Variants in SH3KBP1 observed in about 807,000 individuals in gnomAD.
SH3KBP1 encodes the protein SH3 domain-containing kinase-binding protein 1.
Under a neutral mutation model 50.1 loss-of-function variants are expected in SH3KBP1, and 8 were observed. The ratio of observed to expected loss-of-function variants is 0.16; its 90% CI spans 0.09 to 0.29. The LOEUF (loss-of-function observed/expected upper bound fraction) is 0.29, where lower values mean the gene tolerates loss of function less well. Among genes scored for constraint, SH3KBP1 ranks in the 10% least tolerant of loss-of-function variants. SH3KBP1 has a pLI of 1.00. For synonymous variants in SH3KBP1, 227 were observed against 218.6 expected (o/e 1.04, Z -0.34); for missense variants, 377 against 535.2 (o/e 0.70, Z 2.92).
At position 19,887,317 on chromosome X, in the gene SH3KBP1, C is replaced by T. The variant is rs1359249135; in HGVS notation, c.-7G>A. 1 of 978,773 alleles carries T rather than the reference C, an allele frequency of 1.0e-6. No individual in the cohort carries two copies. Among genetic ancestry groups the T allele is most frequent in the African/African-American group, 2.0e-5 (1 of 49,596 alleles). 80.7% of individuals were successfully genotyped at this position (978,773 alleles called of 1,213,427 possible). On this transcript the variant is annotated 5_prime_UTR_variant, in exon 1 of 18. Coordinates refer to ENST00000397821, the MANE Select transcript of SH3KBP1 (RefSeq NM_031892.3). ...GCGGCCCCCACTCACCCATTGGCGT[C>T]GAGCCGGGCCGGGCCGCCGAGGCAG... is the stretch of plus-strand genomic sequence containing the variant.
At chrX:19,872,833 T>TCTCTCACA (rs1211110008) in intron 1 of SH3KBP1, among the ~76,000 whole-genome samples, 63 of 96,508 alleles carry the variant, frequency 6.5e-4, no homozygotes, top group African/African-American at 2.3e-3. Flanking sequence ...TCTCTCTCTC[T>TCTCTCACA]CACACACACA....
chrX:19,645,663 A>G (rs980022122), intron 6 of SH3KBP1, among the ~76,000 whole-genome samples, 188 bp from the exon 7 acceptor site: 1 of 112,221 alleles, frequency 8.9e-6, no homozygotes, highest in Non-Finnish European at 1.9e-5. Flanking sequence ...CAAACAAGGG[A>G]GAAAAATAGG....
At chrX:19,845,433 A>G (rs1237488317) in intron 1 of SH3KBP1, among the ~76,000 whole-genome samples, 1 of 105,398 alleles carries the variant, frequency 9.5e-6, no homozygotes, top group Non-Finnish European at 2.0e-5. Flanking sequence ...AGCCGAGATC[A>G]TGCCACTGCA....
chrX:19,855,566 C>A (rs776440524), intron 1 of SH3KBP1, among the ~76,000 whole-genome samples: 3 of 112,022 alleles, frequency 2.7e-5, no homozygotes, highest in African/African-American at 9.7e-5. Context: ...CAGATTTAAG[C>A]TCCTTAAGAG....
At chrX:19,662,685 C>G (rs1186881038) in intron 6 of SH3KBP1, among the ~76,000 whole-genome samples, 1 of 111,681 alleles carries the variant, frequency 9.0e-6, no homozygotes, top group Non-Finnish European at 1.9e-5. Flanking sequence ...ACTCTTAGAA[C>G]TATTTACTTC....
chrX:19,718,163 C>CAT (rs2063961216), intron 3 of SH3KBP1, among the ~76,000 whole-genome samples: 1 of 110,737 alleles, frequency 9.0e-6, no homozygotes, highest in Admixed American at 9.7e-5. Context: ...CACACACACA[C>CAT]ACACACACAC....
At chrX:19,715,084 G>A (rs1307913925) in intron 3 of SH3KBP1, among the ~76,000 whole-genome samples, 1 of 110,682 alleles carries the variant, frequency 9.0e-6, no homozygotes, top group East Asian at 2.8e-4. Context: ...GACCAGCCTG[G>A]GCAACATGGC....
intron 2 of SH3KBP1, among the ~76,000 whole-genome samples, chrX:19,835,414 T>C (rs988301962): frequency 8.1e-5 from 9 of 111,314 alleles, no homozygotes; most frequent in East Asian, 2.8e-4. Context: ...GCTGGGATTA[T>C]AGGCATGAGC....
intron 2 of SH3KBP1, among the ~76,000 whole-genome samples, chrX:19,779,088 G>A (rs760942995): frequency 9.2e-6 from 1 of 108,844 alleles, no homozygotes; most frequent in Admixed American, 1.0e-4. Flanking sequence ...TTGAGCCCAG[G>A]AGTTTGAGAC....
chrX:19,797,822 T>C (rs1352162467), intron 2 of SH3KBP1, among the ~76,000 whole-genome samples: 9 of 109,033 alleles, frequency 8.3e-5, no homozygotes, highest in Non-Finnish European at 9.5e-5. Flanking sequence ...TCATCGGTAA[T>C]TAACTCACAG....
At chrX:19,767,860 A>T (rs2065669735) in intron 2 of SH3KBP1, among the ~76,000 whole-genome samples, 1 of 110,752 alleles carries the variant, frequency 9.0e-6, no homozygotes, top group African/African-American at 3.3e-5. Flanking sequence ...TCCTCTAATG[A>T]TCAACATCCT....
intron 12 of SH3KBP1, among the ~76,000 whole-genome samples, chrX:19,585,322 A>G (rs1241350077): frequency 8.9e-6 from 1 of 111,936 alleles, no homozygotes; most frequent in Non-Finnish European, 1.9e-5. Flanking sequence ...TTAAGGAACC[A>G]TGGCATTCAA....
At chrX:19,695,042 C>G (rs1238170347) in intron 5 of SH3KBP1, 10 of 1,196,342 alleles carry the variant, frequency 8.4e-6, no homozygotes, top group Non-Finnish European at 1.0e-5. Context: ...TGGAGGGAGA[C>G]CTTCAGGCCC....
chrX:19,536,267 T>A lies in SH3KBP1; in HGVS notation c.*150A>T, dbSNP rs2064704729. ...ATTCTCCTCTTGGATGGAATTTGTG[T>A]TGTGCTATCAAGACTTTTGTGCTAA... On this transcript the variant is annotated 3_prime_UTR_variant, in exon 18 of 18. Coordinates refer to ENST00000397821, the MANE Select transcript of SH3KBP1 (RefSeq NM_031892.3). 2.5e-6 allele frequency: 1 copy of A among 394,885 alleles called. No individual in the cohort carries two copies. The highest frequency in any genetic ancestry group is 4.5e-6 in the Non-Finnish European group (1 of 223,262). The allele number at this position is 394,885 out of a possible 1,213,427, so 32.5% of individuals were successfully genotyped here.
At chrX:19,584,841 T>C (rs1423272529) in intron 12 of SH3KBP1, among the ~76,000 whole-genome samples, 1 of 112,051 alleles carries the variant, frequency 8.9e-6, no homozygotes, top group Non-Finnish European at 1.9e-5. Context: ...TGGCAATGCC[T>C]GGCTTCCAAT....
chrX:19,840,784 T>C (rs1364597197), intron 1 of SH3KBP1, among the ~76,000 whole-genome samples: 3 of 112,247 alleles, frequency 2.7e-5, no homozygotes, highest in Non-Finnish European at 5.6e-5. Flanking sequence ...ATCAGAGGTG[T>C]AATTAGGATA....
chrX:19,752,600 T>C (rs201443705), intron 2 of SH3KBP1, among the ~76,000 whole-genome samples: 1 of 111,214 alleles, frequency 9.0e-6, no homozygotes, highest in Non-Finnish European at 1.9e-5. Flanking sequence ...GGGAGTCTCC[T>C]GGGAGGATGA....
intron 2 of SH3KBP1, among the ~76,000 whole-genome samples, chrX:19,820,321 A>G (rs990845974): frequency 8.9e-6 from 1 of 111,971 alleles, no homozygotes; most frequent in Non-Finnish European, 1.9e-5. Flanking sequence ...GTTGCCAACT[A>G]TAACTGTGTA....
intron 13 of SH3KBP1, among the ~76,000 whole-genome samples, chrX:19,553,301 C>T (rs1046953304): frequency 1.8e-5 from 2 of 111,191 alleles, no homozygotes; most frequent in East Asian, 2.8e-4. Flanking sequence ...TGCCATCCCC[C>T]GACCCTCCTG....
Sources: gnomAD v4.1 joint callset for allele counts (sites outside exome capture counted in the v4.1 genomes callset) on GRCh38, gnomAD v4.1.1 for gene constraint, MANE v1.5 for transcripts, NCBI Gene and HGNC (gene_info 2026-07-23, HGNC 2026-07-21) for gene names.